DYM: variants seen among roughly 807,000 people sequenced by gnomAD.
DYM encodes the protein dymeclin, also known as dyggve-Melchior-Clausen syndrome protein.
Under a neutral mutation model 93.1 loss-of-function variants are expected in DYM, and 78 were observed. That is an observed-to-expected ratio of 0.84 (90% CI 0.70 to 1.01). DYM has a LOEUF of 1.01. Among genes scored for constraint, DYM ranks in the 50% least tolerant of loss-of-function variants. DYM has a pLI of 0.00. For synonymous variants in DYM, 321 were observed against 319.7 expected (o/e 1.00, Z -0.04); for missense variants, 789 against 845.0 (o/e 0.93, Z 0.82).
intron 14 of DYM, among the ~76,000 whole-genome samples, chr18:49,181,171 A>C (rs1188842666): frequency 1.3e-5 from 2 of 152,188 alleles, no homozygotes; most frequent in African/African-American, 4.8e-5. Flanking sequence ...GGGTATTTTA[A>C]ACAAAAGAGA....
At chr18:49,070,974 G>A (rs2076836119) in intron 17 of DYM, among the ~76,000 whole-genome samples, 2 of 152,258 alleles carry the variant, frequency 1.3e-5, no homozygotes, top group African/African-American at 2.4e-5. Context: ...CTCTTCAATA[G>A]GGACTGTTAG....
At chr18:49,371,899 T>G (rs1436003962) in intron 5 of DYM, among the ~76,000 whole-genome samples, 1 of 152,228 alleles carries the variant, frequency 6.6e-6, no homozygotes, top group Non-Finnish European at 1.5e-5. Context: ...AACTAAGAGC[T>G]TACTGACAGT....
chr18:49,389,296 TA>T (rs1022726276), intron 3 of DYM, among the ~76,000 whole-genome samples: 2 of 151,890 alleles, frequency 1.3e-5, no homozygotes, highest in Non-Finnish European at 2.9e-5. Context: ...AAACACAGAT[TA>T]AAATGTGTGT....
At chr18:49,382,112 T>G (rs1361831292) in intron 3 of DYM, among the ~76,000 whole-genome samples, 1 of 152,162 alleles carries the variant, frequency 6.6e-6, no homozygotes, top group Non-Finnish European at 1.5e-5. Context: ...CTTGTAATTG[T>G]TGAATGTATA....
chr18:49,305,723 T>A (rs2061235064), intron 8 of DYM, among the ~76,000 whole-genome samples: 1 of 152,120 alleles, frequency 6.6e-6, no homozygotes, highest in African/African-American at 2.4e-5. Context: ...AAATTTCCGA[T>A]CAAAAACAAA....
chr18:49,293,415 A>G (rs2060303916), intron 8 of DYM, among the ~76,000 whole-genome samples: 1 of 152,188 alleles, frequency 6.6e-6, no homozygotes, highest in East Asian at 1.9e-4. Context: ...GTCTTCCACA[A>G]TGGCTGAACT....
At chr18:49,283,439 A>G (rs1568167594) in intron 9 of DYM, among the ~76,000 whole-genome samples, 2 of 150,614 alleles carry the variant, frequency 1.3e-5, no homozygotes, top group Non-Finnish European at 3.0e-5. Flanking sequence ...TTTTTTTTTT[A>G]AAGTACAGTC....
At chr18:49,391,430 G>A in intron 3 of DYM, 163 bp downstream of exon 3, 1 of 697,246 alleles carries the variant, frequency 1.4e-6, no homozygotes, top group Non-Finnish European at 2.6e-6. Flanking sequence ...GCTATTGACT[G>A]AAGGGTACCT....
intron 13 of DYM, among the ~76,000 whole-genome samples, chr18:49,232,849 T>TC (rs2093746841): frequency 1.3e-5 from 2 of 151,746 alleles, no homozygotes; most frequent in African/African-American, 4.8e-5. Flanking sequence ...CCTCAGGTGA[T>TC]CCGCCCACCT....
chr18:49,138,454 G>A (rs2084092965), intron 15 of DYM, among the ~76,000 whole-genome samples: 1 of 152,150 alleles, frequency 6.6e-6, no homozygotes, highest in Non-Finnish European at 1.5e-5. Context: ...CCTCCTAGGG[G>A]CCTTGATAAC....
At position 49,275,130 on chromosome 18, in the gene DYM, T is replaced by C. The variant is rs530969521; in HGVS notation, c.1126-2827A>G. Among the ~76,000 whole-genome samples the C allele has an allele frequency of 4.8e-4, 73 of 152,290 alleles. 2 individuals carry two copies. In the South Asian group the frequency reaches 0.014, roughly 29 times the overall value. ...TAGCTCTTTTTAGGTCTTTGACCCA[T>C]TTTGAATTAACTTTGTATATGGGGT... On this transcript the variant is annotated intron_variant, in intron 10 of 17. Coordinates refer to ENST00000675505, the MANE Select transcript of DYM (RefSeq NM_001353214.3).
intron 8 of DYM, among the ~76,000 whole-genome samples, chr18:49,330,014 A>C (rs528789478): frequency 2.0e-5 from 3 of 152,240 alleles, no homozygotes; most frequent in African/African-American, 7.2e-5. Flanking sequence ...GGATTAACTT[A>C]AAATTACATG....
intron 17 of DYM, among the ~76,000 whole-genome samples, chr18:49,060,442 C>T (rs1322239638): frequency 1.3e-5 from 2 of 151,880 alleles, no homozygotes; most frequent in African/African-American, 4.8e-5. Flanking sequence ...CCAGTATCTG[C>T]CTGCTTACAG....
At chr18:49,130,463 A>G (rs957938809) in intron 15 of DYM, among the ~76,000 whole-genome samples, 1 of 152,198 alleles carries the variant, frequency 6.6e-6, no homozygotes, top group Non-Finnish European at 1.5e-5. Context: ...GAGACACCTG[A>G]GTCCATAAGT....
At chr18:49,268,815 TAAAAGA>T (rs2094618214) in intron 11 of DYM, among the ~76,000 whole-genome samples, 1 of 152,154 alleles carries the variant, frequency 6.6e-6, no homozygotes, top group African/African-American at 2.4e-5. Flanking sequence ...AATTCCTTAT[TAAAAGA>T]AAAGTCATGT....
chr18:49,313,195 G>A (rs2061703963), intron 8 of DYM, among the ~76,000 whole-genome samples: 1 of 152,080 alleles, frequency 6.6e-6, no homozygotes, highest in Admixed American at 6.6e-5. Flanking sequence ...GCCGGGCATG[G>A]TGGCTCATGC....
chr18:49,409,610 C>T (rs1038337333), intron 2 of DYM, among the ~76,000 whole-genome samples: 3 of 152,124 alleles, frequency 2.0e-5, no homozygotes, highest in African/African-American at 7.2e-5. Context: ...AATTAGTTTT[C>T]CCATCCTGGC....
intron 8 of DYM, among the ~76,000 whole-genome samples, chr18:49,303,665 T>A (rs1396896532): frequency 2.0e-5 from 3 of 152,148 alleles, no homozygotes; most frequent in African/African-American, 7.2e-5. Context: ...TGACAGTGCT[T>A]CCCACAGGAT....
chr18:49,069,917 C>T (rs1199678335), intron 17 of DYM, among the ~76,000 whole-genome samples: 3 of 152,226 alleles, frequency 2.0e-5, no homozygotes, highest in Middle Eastern at 3.4e-3. Context: ...GGCGCATGCC[C>T]GTAATCCCAG....
Sources: allele counts gnomAD v4.1 joint callset (sites outside exome capture counted in the v4.1 genomes callset), GRCh38; gene constraint gnomAD v4.1.1; transcripts MANE v1.5; gene names NCBI Gene and HGNC (gene_info 2026-07-23, HGNC 2026-07-21).